The following DCLK3 variants were observed in gnomAD, a reference collection of about 807,000 sequenced individuals.
DCLK3 encodes serine/threonine-protein kinase DCLK3.
DCLK3 carries 30 observed loss-of-function variants against 46.4 expected under a neutral mutation model. The ratio of observed to expected loss-of-function variants is 0.65; its 90% confidence interval spans 0.48 to 0.88. DCLK3 has a LOEUF of 0.88. DCLK3 is among the 40% of genes least tolerant of loss of function. DCLK3 has a pLI of 0.00. For synonymous variants in DCLK3, 401 were observed against 339.2 expected (o/e 1.18, Z -2.00); for missense variants, 846 against 907.1 (o/e 0.93, Z 0.87).
chr3:36,724,917 A>G (rs1475771395), intron 2 of DCLK3, among the ~76,000 whole-genome samples: 1 of 152,088 alleles, frequency 6.6e-6, no homozygotes, highest in East Asian at 1.9e-4. Context: ...AGAATCAAAC[A>G]GGCCAGGAGT....
chr3:36,741,508 A>G (rs1049244678), intron 1 of DCLK3, among the ~76,000 whole-genome samples: 1 of 152,214 alleles, frequency 6.6e-6, no homozygotes, highest in Non-Finnish European at 1.5e-5. Flanking sequence ...AGGAAAACCT[A>G]GAGGCATAAA....
Position 36,737,889 on chromosome 3 carries a change from C to T in DCLK3, c.1278G>A (p.Leu426=). 2 of 1,614,056 alleles carry T rather than the reference C, an allele frequency of 1.2e-6. No individual in the cohort carries two copies. The highest frequency in any genetic ancestry group is 1.7e-6 in the Non-Finnish European group (2 of 1,180,032). Residue 426 remains leucine (L), a synonymous_variant, in exon 2 of 5, where the codon CTG becomes CTA. Coordinates refer to ENST00000636136, the MANE Select transcript of DCLK3 (RefSeq NM_001394672.2). This position sits in a 1 kb window ranked among gnomAD's most constrained non-coding sequence, Gnocchi z 4.4. ...GCCTGGTGTCCTTCTTCACCTCCCT[C>T]AGCCCCTCCTCTGTGACAGGAAGAA... ...VEVLPVTEEG[L]REVKKDTRPM...
At chr3:36,716,575 C>G (rs1456484388) in intron 4 of DCLK3, among the ~76,000 whole-genome samples, 1 of 152,230 alleles carries the variant, frequency 6.6e-6, no homozygotes, top group Non-Finnish European at 1.5e-5. Flanking sequence ...ACCAGACACC[C>G]CAGGCAACAT....
chr3:36,746,989 A>T lies in DCLK3; in HGVS notation c.83-7905T>A, dbSNP rs147947210. On this transcript the variant is annotated intron_variant, in intron 1 of 4. Coordinates refer to ENST00000636136, the MANE Select transcript of DCLK3 (RefSeq NM_001394672.2). Reference sequence around the variant, plus strand: ...CCAAAGATATACAGTGAAATTCCAGAGTATCCTTTTGGGAGTGCAAGTTGC... The same window carrying T: ...CCAAAGATATACAGTGAAATTCCAGTGTATCCTTTTGGGAGTGCAAGTTGC... Among the ~76,000 whole-genome samples the T allele has an allele frequency of 5.6e-4, 86 of 152,356 alleles. 2 individuals are homozygous for T. In the East Asian group the frequency reaches 8.1e-3, roughly 14 times the overall value.
At chr3:36,758,113 T>G (rs1701504624) in intron 1 of DCLK3, among the ~76,000 whole-genome samples, 1 of 152,180 alleles carries the variant, frequency 6.6e-6, no homozygotes, top group African/African-American at 2.4e-5. Context: ...CATTAAACAC[T>G]CCAGTAGTTT....
At chr3:36,718,735 A>G (rs1043599950) in intron 3 of DCLK3, among the ~76,000 whole-genome samples, 3 of 152,166 alleles carry the variant, frequency 2.0e-5, no homozygotes, top group Admixed American at 6.5e-5. Flanking sequence ...CTTCTCTCTC[A>G]CTTAAAAAAT....
At chr3:36,754,510 G>A (rs569567270) in intron 1 of DCLK3, among the ~76,000 whole-genome samples, 125 of 152,298 alleles carry the variant, frequency 8.2e-4, no homozygotes, top group Admixed American at 2.2e-3. Flanking sequence ...TATCCAGACC[G>A]AAAACGTAAA....
chr3:36,721,429 T>A lies in DCLK3; in HGVS notation c.2092+98A>T, dbSNP rs950183955. 2.7e-6 allele frequency: 4 copies of A among 1,483,034 alleles called. No homozygotes were observed. The African/African-American group carries it at 5.6e-5, about 21-fold the overall frequency. 91.9% of individuals were successfully genotyped at this position (1,483,034 alleles called of 1,614,324 possible). On this transcript the variant is annotated intron_variant, in intron 3 of 4. Transcript: ENST00000636136. ...CAAATCCAAGCCTAAGTGTCAGTTC[T>A]CTGAGATTTATTCCATATTGAAAAC...
chr3:36,727,552 C>T (rs759466908), intron 2 of DCLK3, among the ~76,000 whole-genome samples: 1 of 152,080 alleles, frequency 6.6e-6, no homozygotes, highest in Non-Finnish European at 1.5e-5. Context: ...TGATATGGAC[C>T]TATGTGAGAT....
intron 2 of DCLK3, among the ~76,000 whole-genome samples, chr3:36,736,822 A>G (rs1701268649): frequency 6.6e-6 from 1 of 152,122 alleles, no homozygotes; most frequent in African/African-American, 2.4e-5. Flanking sequence ...AAAAAGACCA[A>G]AGTGGCATCT....
Position 36,712,699 on chromosome 3 carries a change from A to T in DCLK3, c.*2629T>A, listed in dbSNP as rs1251320824. The stretch of plus-strand genomic sequence containing the variant: ...GAATAGTATGTAAATGAAATAATCA[A>T]AATGTAGTCTTTTTTTTCTTCTTTC... On this transcript the variant is annotated 3_prime_UTR_variant, in exon 5 of 5. Transcript: ENST00000636136. 1 of 152,188 alleles carries T rather than the reference A, an allele frequency of 6.6e-6. No individual in the cohort carries two copies. Among genetic ancestry groups the T allele is most frequent in the Non-Finnish European group, 1.5e-5 (1 of 68,030 alleles). 9.4% of individuals were successfully genotyped at this position (152,188 alleles called of 1,614,324 possible). A position where few individuals can be genotyped will look rare whatever the true frequency, so the allele number is the denominator to read the frequency against.
intron 2 of DCLK3, among the ~76,000 whole-genome samples, chr3:36,731,899 A>T (rs1240917825): frequency 1.3e-5 from 2 of 152,232 alleles, no homozygotes; most frequent in Non-Finnish European, 2.9e-5. Context: ...ACTAGACCTG[A>T]GACCTCAGAA....
At chr3:36,750,031 T>G (rs933163964) in intron 1 of DCLK3, among the ~76,000 whole-genome samples, 1 of 152,022 alleles carries the variant, frequency 6.6e-6, no homozygotes, top group Admixed American at 6.6e-5. Context: ...AGAAATAAAT[T>G]TCTTTTACTT....
chr3:36,742,955 T>C (rs866902450), intron 1 of DCLK3, among the ~76,000 whole-genome samples: 2 of 152,094 alleles, frequency 1.3e-5, no homozygotes, highest in Non-Finnish European at 2.9e-5. Flanking sequence ...TCAACCTTAC[T>C]AGAAAGCCAC....
At position 36,737,817 on chromosome 3, in the gene DCLK3, C is replaced by T; in HGVS notation, c.1350G>A (p.Gln450=). 2 of 1,614,096 alleles carry T rather than the reference C, an allele frequency of 1.2e-6. No individual in the cohort carries two copies. The highest frequency in any genetic ancestry group is 1.7e-6 in the Non-Finnish European group (2 of 1,180,036). The change falls in exon 2 of 5, where the codon CAG becomes CAA. Residue 450 remains glutamine (Q), a synonymous_variant. Transcript: ENST00000636136. The surrounding 1 kb of genome is among the most constrained non-coding windows in gnomAD (Gnocchi z 4.4). ...TCCTGCGGAGCTTCTCAAAGCCCGCCTGGTGCTCTCTCAGGAGCCAGCCAC... is the reference window on the plus strand; with the variant it reads ...TCCTGCGGAGCTTCTCAAAGCCCGCTTGGTGCTCTCTCAGGAGCCAGCCAC... The part of the protein sequence containing the change: ...KHGGWLLREH[Q]AGFEKLRRTR...
intron 3 of DCLK3, 39 bp from the exon 4 acceptor site, chr3:36,718,216 C>A: frequency 1.2e-6 from 2 of 1,612,146 alleles, no homozygotes; most frequent in Non-Finnish European, 1.7e-6. Flanking sequence ...AAACCTGAGA[C>A]CAGGCAGGGT....
Position 36,738,757 on chromosome 3 carries a change from C to G in DCLK3, c.410G>C (p.Arg137Thr). Residue 137 changes from arginine to threonine, a missense_variant, in exon 2 of 5, where the codon AGA becomes ACA. Coordinates refer to ENST00000636136, the MANE Select transcript of DCLK3 (RefSeq NM_001394672.2). ...TTTCCTCACACGGTCATTCTTCCAT[C>G]TGGGAGAGCCCAAGGCTTCTGAGAT... is the stretch of plus-strand genomic sequence containing the variant. Reference protein sequence around the residue: ...ADISEALGSPRWKNDRVRKLF... With the variant: ...ADISEALGSPTWKNDRVRKLF... 2 of 1,286,348 alleles carry G rather than the reference C, an allele frequency of 1.6e-6. No individual in the cohort carries two copies. The highest frequency in any genetic ancestry group is 2.0e-6 in the Non-Finnish European group (2 of 1,007,080). The allele number at this position is 1,286,348 out of a possible 1,614,324, so 79.7% of individuals were successfully genotyped here. A position where few individuals can be genotyped will look rare whatever the true frequency, so the allele number is the denominator to read the frequency against.
At chr3:36,744,754 A>G (rs929386712) in intron 1 of DCLK3, among the ~76,000 whole-genome samples, 3 of 152,242 alleles carry the variant, frequency 2.0e-5, no homozygotes, top group Non-Finnish European at 1.5e-5. Flanking sequence ...AATGTGACCC[A>G]GCAGGATGCA....
chr3:36,738,777 T>C lies in DCLK3; in HGVS notation c.390A>G (p.Ser130=). Residue 130 remains serine (S), a synonymous_variant, in exon 2 of 5, where the codon TCA becomes TCG. Transcript: ENST00000636136. Reference sequence around the variant, plus strand: ...TCCATCTGGGAGAGCCCAAGGCTTCTGAGATGTCAGCTAAGAGCTGCTCGA... The same window carrying C: ...TCCATCTGGGAGAGCCCAAGGCTTCCGAGATGTCAGCTAAGAGCTGCTCGA... ...QTFEQLLADI[S]EALGSPRWKN... is the part of the protein sequence containing the mutation. The C allele has an allele frequency of 2.4e-6, 3 of 1,241,118 alleles. No homozygotes were observed. Among genetic ancestry groups the C allele is most frequent in the Non-Finnish European group, 3.1e-6 (3 of 968,492 alleles). The allele number at this position is 1,241,118 out of a possible 1,614,324, so 76.9% of individuals were successfully genotyped here. A position where few individuals can be genotyped will look rare whatever the true frequency, so the allele number is the denominator to read the frequency against.
Sources: gnomAD v4.1 joint callset for allele counts (sites outside exome capture counted in the v4.1 genomes callset) on GRCh38, gnomAD v4.1.1 for gene constraint, Gnocchi (gnomAD v3.1) non-coding constraint, MANE v1.5 for transcripts, NCBI Gene and HGNC (gene_info 2026-07-23, HGNC 2026-07-21) for gene names.